Variants in EXOC3 observed in about 807,000 individuals in gnomAD.
EXOC3 encodes the protein exocyst complex component 3.
EXOC3 carries 21 observed loss-of-function variants against 73.7 expected under a neutral mutation model. The ratio of observed to expected loss-of-function variants is 0.29; its 90% CI spans 0.20 to 0.41. EXOC3 has a LOEUF of 0.41. EXOC3 is among the 10% of genes least tolerant of loss of function. The pLI, the probability that EXOC3 is intolerant of heterozygous loss-of-function variation, is 1.00. For missense variants in EXOC3, 842 were observed against 985.1 expected (o/e 0.85, Z 1.95); for synonymous variants, 410 against 389.1 (o/e 1.05, Z -0.63).
In EXOC3 at chr5:456,940, C is replaced by G; in HGVS notation, c.1098C>G (p.Thr366=). 1 of 1,614,042 alleles carries G rather than the reference C, an allele frequency of 6.2e-7. No homozygotes were observed. Among genetic ancestry groups the G allele is most frequent in the Non-Finnish European group, 8.5e-7 (1 of 1,179,888 alleles). ...VELAPEVDVG[T]LEPLLSPHVV... is the part of the protein sequence containing the mutation. Reference sequence around the variant, plus strand: ...TGGCCCCGGAAGTGGATGTCGGCACCCTGGAGCCATTGCTTTCTCCACACG... The same window carrying G: ...TGGCCCCGGAAGTGGATGTCGGCACGCTGGAGCCATTGCTTTCTCCACACG... Residue 366 remains threonine, a synonymous_variant, in exon 5 of 13, where the codon ACC becomes ACG. Transcript: ENST00000512944.
intron 12 of EXOC3, 146 bp from the exon 13 acceptor site, chr5:466,581 G>A (rs1738158140): frequency 2.5e-5 from 17 of 674,052 alleles, no homozygotes; most frequent in Non-Finnish European, 3.6e-5. Flanking sequence ...CTTGTCTCCC[G>A]CTGAAAAGGG....
At chr5:451,572 A>G (rs970652204) in intron 3 of EXOC3, among the ~76,000 whole-genome samples, 21 of 152,206 alleles carry the variant, frequency 1.4e-4, no homozygotes, top group Non-Finnish European at 2.6e-4. Context: ...CATGTACGAA[A>G]CAGAGTGATG....
At chr5:465,336 C>G (rs1738111088) in intron 11 of EXOC3, 64 bp downstream of exon 11, 2 of 1,516,970 alleles carry the variant, frequency 1.3e-6, no homozygotes, top group Non-Finnish European at 8.9e-7. Flanking sequence ...TCAGCCTCCA[C>G]CCCGGGACTC....
rs111518360 is a variant in EXOC3 at position 456,859 on chromosome 5, T to C, written c.1047-30T>C. On this transcript the variant is annotated intron_variant, in intron 4 of 12. Coordinates refer to ENST00000512944, the MANE Select transcript of EXOC3 (RefSeq NM_007277.5). ...CATGCTCTTCTGTGTCTGTCGTGGT[T>C]TGTCACTCACATTCCTGGTTCCCCC... 4.5e-4 allele frequency: 696 copies of C among 1,540,956 alleles called. 2 individuals carry two copies. In the African/African-American group the frequency reaches 8.4e-3, roughly 19 times the overall value.
intron 12 of EXOC3, 77 bp from the exon 13 acceptor site, chr5:466,650 G>A: frequency 6.9e-7 from 1 of 1,448,072 alleles, no homozygotes; most frequent in East Asian, 2.4e-5. Flanking sequence ...CTGGGGTGGT[G>A]AAGCCGTGAG....
Position 453,965 on chromosome 5 carries a change from C to A in EXOC3, c.960C>A (p.Ser320Arg). Reference sequence around the variant, plus strand: ...TGAACATGTACCACCAAGCCCTGAGCACGCGGATGCAGGACCTCGCATCGG... The same window carrying A: ...TGAACATGTACCACCAAGCCCTGAGAACGCGGATGCAGGACCTCGCATCGG... The part of the protein sequence containing the change: ...NLLNMYHQAL[S>R]TRMQDLASED... The change falls in exon 4 of 13, where the codon AGC (serine) becomes AGA (arginine). Residue 320 changes from serine to arginine, a missense_variant. By Grantham distance (110) the Ser-to-Arg change is moderately radical (BLOSUM62 -1). Coordinates refer to ENST00000512944, the MANE Select transcript of EXOC3 (RefSeq NM_007277.5). 1.9e-6 allele frequency: 3 copies of A among 1,613,984 alleles called. No individual in the cohort carries two copies. The highest frequency in any genetic ancestry group is 2.5e-6 in the Non-Finnish European group (3 of 1,179,866).
At chr5:450,971 A>G (rs1425424427) in intron 3 of EXOC3, among the ~76,000 whole-genome samples, 1 of 152,026 alleles carries the variant, frequency 6.6e-6, no homozygotes, top group Non-Finnish European at 1.5e-5. Context: ...TTTATTTTTT[A>G]AATCTATTTT....
intron 2 of EXOC3, among the ~76,000 whole-genome samples, chr5:446,734 G>A (rs529306906): frequency 8.2e-4 from 125 of 152,272 alleles, no homozygotes; most frequent in Non-Finnish European, 1.3e-3. Context: ...GTTGACGCCT[G>A]TAATCCCAGC....
In EXOC3 at chr5:465,098, CGT is replaced by C. The variant is rs746331550; in HGVS notation, c.1777-10_1777-9del. ...GCCGTGGAGCCTGCCGCTGACCGCGCGTGTCTCCCCAGAGGATGACGGCCGAG... is the reference window on the plus strand; with the variant it reads ...GCCGTGGAGCCTGCCGCTGACCGCGCGTCTCCCCAGAGGATGACGGCCGAG... On this transcript the variant is annotated splice_polypyrimidine_tract_variant and intron_variant, in intron 10 of 12. Coordinates refer to ENST00000512944, the MANE Select transcript of EXOC3 (RefSeq NM_007277.5). 1.1e-5 allele frequency: 17 copies of C among 1,552,662 alleles called. No individual in the cohort carries two copies. The highest frequency in any genetic ancestry group is 1.5e-5 in the Non-Finnish European group (17 of 1,150,568).
At position 453,751 on chromosome 5, in the gene EXOC3, T is replaced by C; in HGVS notation, c.746T>C (p.Phe249Ser). The C allele has an allele frequency of 6.2e-7, 1 of 1,613,942 alleles. No homozygotes were observed. The highest frequency in any genetic ancestry group is 1.7e-5 in the Admixed American group (1 of 60,028). Reference protein sequence around the residue: ...GRPKNWKEKMFTILERTVTTR... With the variant: ...GRPKNWKEKMSTILERTVTTR... ...CCCAAGAATTGGAAGGAGAAAATGTTCACCATCTTGGAGAGGACTGTGACC... is the reference window on the plus strand; with the variant it reads ...CCCAAGAATTGGAAGGAGAAAATGTCCACCATCTTGGAGAGGACTGTGACC... Residue 249 changes from phenylalanine (F) to serine (S), a missense_variant, in exon 4 of 13, where the codon TTC becomes TCC. Phe to Ser is a radical substitution (Grantham distance 155, BLOSUM62 -2). Coordinates refer to ENST00000512944, the MANE Select transcript of EXOC3 (RefSeq NM_007277.5).
At chr5:464,829 G>A in intron 10 of EXOC3, 1 of 516,644 alleles carries the variant, frequency 1.9e-6, no homozygotes, top group Admixed American at 3.6e-5. Context: ...ACTGACACGG[G>A]CCTGTCTGTG....
chr5:454,198 T>G, intron 4 of EXOC3, 147 bp downstream of exon 4: 1 of 652,500 alleles, frequency 1.5e-6, no homozygotes, highest in South Asian at 2.0e-5. Context: ...CCCAGGGGTG[T>G]CTTCTTTCTG....
chr5:462,194 A>C lies in EXOC3; in HGVS notation c.1540A>C (p.Asn514His). The change falls in exon 9 of 13, where the codon AAT (asparagine) becomes CAT (histidine). Residue 514 changes from asparagine (N) to histidine (H), a missense_variant. Coordinates refer to ENST00000512944, the MANE Select transcript of EXOC3 (RefSeq NM_007277.5). ...CAGTTTAAAAAGAAAGTATTTAAAGAATGAAGTGGAAGAGGGTGTGTCTCC... is the reference window on the plus strand; with the variant it reads ...CAGTTTAAAAAGAAAGTATTTAAAGCATGAAGTGGAAGAGGGTGTGTCTCC... ...IVSLKRKYLKNEVEEGVSPSQ... is the reference protein window; with the variant it reads ...IVSLKRKYLKHEVEEGVSPSQ... 1 of 1,613,966 alleles carries C rather than the reference A, an allele frequency of 6.2e-7. No homozygotes were observed. The highest frequency in any genetic ancestry group is 8.5e-7 in the Non-Finnish European group (1 of 1,179,892).
At chr5:459,163 T>C (rs1737907575) in intron 6 of EXOC3, among the ~76,000 whole-genome samples, 196 bp from the exon 7 acceptor site, 1 of 149,114 alleles carries the variant, frequency 6.7e-6, no homozygotes, top group Non-Finnish European at 1.5e-5. Flanking sequence ...CTTGGTACTT[T>C]CCCAGGTGAG....
chr5:462,651 G>A lies in EXOC3; in HGVS notation c.1653+344G>A, dbSNP rs184496333. On this transcript the variant is annotated intron_variant, in intron 9 of 12. Coordinates refer to ENST00000512944, the MANE Select transcript of EXOC3 (RefSeq NM_007277.5). ...ACACATCCTCACATAGATCAGTTTC[G>A]CTTTTGAATATAGGTACACACGCAA... 37 of 242,042 alleles carry A rather than the reference G, an allele frequency of 1.5e-4. No individual in the cohort carries two copies. In the East Asian group the frequency reaches 3.0e-3, roughly 20 times the overall value. 15.0% of individuals were successfully genotyped at this position (242,042 alleles called of 1,614,324 possible).
In EXOC3 at chr5:449,721, C is replaced by T. The variant is rs539284183; in HGVS notation, c.364+1969C>T. Among the ~76,000 whole-genome samples, 23 of 152,324 alleles carry T rather than the reference C, an allele frequency of 1.5e-4. 1 individual carries two copies. The South Asian group carries it at 4.6e-3, about 30-fold the overall frequency. ...TTGGTGGACATTTGAATTGCTTCCA[C>T]GTTTTAGCTATTGTGAATAATGCTG... On this transcript the variant is annotated intron_variant, in intron 3 of 12. Coordinates refer to ENST00000512944, the MANE Select transcript of EXOC3 (RefSeq NM_007277.5).
rs1473040717 is a variant in EXOC3 at position 465,231 on chromosome 5, G to C, written c.1897G>C (p.Glu633Gln). ...GGAGGGTGCCGAGAAGATGGTTAGG[G>C]AGGCAGAGCAGCTGCGCTTCCTGTT... is the stretch of plus-strand genomic sequence containing the variant. ...RKEGAEKMVR[E>Q]AEQLRFLFRK... Residue 633 changes from glutamate to glutamine, a missense_variant, in exon 11 of 13, where the codon GAG becomes CAG. Physicochemically the swap from Glu to Gln is conservative, Grantham distance 29. Coordinates refer to ENST00000512944, the MANE Select transcript of EXOC3 (RefSeq NM_007277.5). The C allele has an allele frequency of 1.3e-6, 2 of 1,592,538 alleles. No homozygotes were observed. Among genetic ancestry groups the C allele is most frequent in the Admixed American group, 3.5e-5 (2 of 56,666 alleles).
intron 1 of EXOC3, among the ~76,000 whole-genome samples, chr5:444,643 GA>G (rs1381578235): frequency 3.2e-5 from 3 of 93,664 alleles, no homozygotes; most frequent in African/African-American, 8.2e-5. Flanking sequence ...AACTCAAAGG[GA>G]AAAAACTGGA....
chr5:460,758 C>G (rs190513726), intron 7 of EXOC3, among the ~76,000 whole-genome samples: 1 of 152,230 alleles, frequency 6.6e-6, no homozygotes, highest in Non-Finnish European at 1.5e-5. Context: ...GGGATCTTGG[C>G]CTGAGTTTGT....
Sources: allele counts gnomAD v4.1 joint callset (sites outside exome capture counted in the v4.1 genomes callset), GRCh38; gene constraint gnomAD v4.1.1; transcripts MANE v1.5; gene names NCBI Gene and HGNC (gene_info 2026-07-23, HGNC 2026-07-21).